Variants in RPAP3 observed in about 807,000 individuals in gnomAD.
RPAP3 encodes RNA polymerase II associated protein 3.
RPAP3 carries 58 observed loss-of-function variants against 88.8 expected under a neutral mutation model. That is an observed-to-expected ratio of 0.65 (90% confidence interval 0.53 to 0.81). RPAP3 has a LOEUF of 0.81. Among genes scored for constraint, RPAP3 ranks in the 40% least tolerant of loss-of-function variants. RPAP3 has a pLI of 0.00. For missense variants in RPAP3, 751 were observed against 764.3 expected, an observed-to-expected ratio of 0.98 and a Z score of 0.20; for synonymous variants, 255 against 259.9, an observed-to-expected ratio of 0.98 and a Z score of 0.18.
rs1413966672 is a variant in RPAP3, at chr12:47,672,336, T to G, written c.1288-1991A>C. 2.6e-5 allele frequency among the ~76,000 whole-genome samples: 4 copies of G among 152,350 alleles called. No individual in the cohort carries two copies. In the South Asian group the frequency reaches 8.3e-4, roughly 32 times the overall value. On this transcript the variant is annotated intron_variant, in intron 12 of 16. Transcript: ENST00000005386. ...TCATTCTCTTCTCTACTTTCCGTAG[T>G]CTTCCTTTCTTTCCTTACCACTTTC...
chr12:47,696,484 AAG>A lies in RPAP3; in HGVS notation c.418-83_418-82del. 4.3e-6 allele frequency: 4 copies of A among 926,064 alleles called. No individual in the cohort carries two copies. In the South Asian group the frequency reaches 8.4e-5, roughly 19 times the overall value. The allele number at this position is 926,064 out of a possible 1,614,324, so 57.4% of individuals were successfully genotyped here. On this transcript the variant is annotated intron_variant, in intron 4 of 16. Coordinates refer to ENST00000005386, the MANE Select transcript of RPAP3 (RefSeq NM_024604.3). ...TTGACCCTTGAACGACCCAGGTTTG[AAG>A]TGCATGGGTCCACTTAAATGTAGAT...
intron 16 of RPAP3, among the ~76,000 whole-genome samples, 189 bp downstream of exon 16, chr12:47,666,791 A>C (rs1938882869): frequency 6.6e-6 from 1 of 152,204 alleles, no homozygotes; most frequent in South Asian, 2.1e-4. Context: ...CTAACAAAAC[A>C]ATTTTAACTG....
At position 47,679,579 on chromosome 12, in the gene RPAP3, C is replaced by T; in HGVS notation, c.1201G>A (p.Gly401Arg). 1 of 1,600,760 alleles carries T rather than the reference C, an allele frequency of 6.2e-7. No homozygotes were observed. The highest frequency in any genetic ancestry group is 8.5e-7 in the Non-Finnish European group (1 of 1,171,998). ...SKIKKELIEK[G>R]HWDDVFLDST... ...TCAAGAAAGACATCATCCCAGTGTC[C>T]TTTCTCAATTAATTCCTTGAAAATA... is the stretch of plus-strand genomic sequence containing the variant. The change falls in exon 12 of 17, where the codon GGA becomes AGA. Residue 401 changes from glycine to arginine, a missense_variant. Coordinates refer to ENST00000005386, the MANE Select transcript of RPAP3 (RefSeq NM_024604.3).
chr12:47,670,487 A>C, intron 12 of RPAP3, 142 bp from the exon 13 acceptor site: 1 of 605,950 alleles, frequency 1.7e-6, no homozygotes, highest in Non-Finnish European at 2.9e-6. Context: ...CAGACTTAGA[A>C]GTCTGAGAAT....
chr12:47,679,861 G>T, intron 10 of RPAP3, 87 bp from the exon 11 acceptor site: 1 of 928,790 alleles, frequency 1.1e-6, no homozygotes, highest in Non-Finnish European at 1.7e-6. Context: ...TATTCAGTTA[G>T]TAATCACATT....
chr12:47,699,827 G>A (rs1268868351), intron 3 of RPAP3: 1 of 152,018 alleles, frequency 6.6e-6, no homozygotes, highest in Non-Finnish European at 1.5e-5. Flanking sequence ...CTCACAATAT[G>A]GATCTCATAT....
intron 5 of RPAP3, among the ~76,000 whole-genome samples, chr12:47,691,520 T>G (rs115413194): frequency 6.6e-6 from 1 of 152,220 alleles, no homozygotes; most frequent in South Asian, 2.1e-4. Flanking sequence ...TTCAATCTAC[T>G]TTGTCCAGAT....
chr12:47,704,736 T>G (rs2136650257), intron 1 of RPAP3, among the ~76,000 whole-genome samples: 1 of 151,948 alleles, frequency 6.6e-6, no homozygotes, highest in Admixed American at 6.5e-5. Context: ...CGCAGGTGGC[T>G]CATGCCTGTA....
intron 3 of RPAP3, 37 bp from the exon 4 acceptor site, chr12:47,697,756 T>C (rs1158299622): frequency 5.2e-6 from 8 of 1,550,136 alleles, no homozygotes; most frequent in African/African-American, 4.3e-5. Flanking sequence ...GTCATAATTA[T>C]ATGATTAGGA....
intron 15 of RPAP3, among the ~76,000 whole-genome samples, chr12:47,667,489 T>A (rs1938902167): frequency 6.6e-6 from 1 of 152,176 alleles, no homozygotes; most frequent in African/African-American, 2.4e-5. Flanking sequence ...TCAAAGAGAA[T>A]CAACTTCCCA....
At chr12:47,682,452 T>C (rs1212285133) in intron 9 of RPAP3, among the ~76,000 whole-genome samples, 1 of 152,210 alleles carries the variant, frequency 6.6e-6, no homozygotes, top group Non-Finnish European at 1.5e-5. Context: ...AGGACATTAA[T>C]GAATTATTGT....
At position 47,668,970 on chromosome 12, in the gene RPAP3, T is replaced by C. The variant is rs958331895; in HGVS notation, c.1659A>G (p.Glu553=). 1 of 1,614,080 alleles carries C rather than the reference T, an allele frequency of 6.2e-7. No individual in the cohort carries two copies. Among genetic ancestry groups the C allele is most frequent in the Non-Finnish European group, 8.5e-7 (1 of 1,179,950 alleles). ...AACTTTTCAATTGTCTGAAATCAGATTCGAGCTGGAACGAGTTTGCAGGAA... is the reference window on the plus strand; with the variant it reads ...AACTTTTCAATTGTCTGAAATCAGACTCGAGCTGGAACGAGTTTGCAGGAA... ...PPIPANSFQL[E]SDFRQLKSSP... The change falls in exon 14 of 17, where the codon GAA becomes GAG. Residue 553 remains glutamate (E), a synonymous_variant. Coordinates refer to ENST00000005386, the MANE Select transcript of RPAP3 (RefSeq NM_024604.3).
At chr12:47,677,455 T>C (rs1213859684) in intron 12 of RPAP3, among the ~76,000 whole-genome samples, 2 of 152,054 alleles carry the variant, frequency 1.3e-5, no homozygotes, top group East Asian at 3.9e-4. Flanking sequence ...GTCAAATTGT[T>C]GTGTTTGCAG....
chr12:47,699,144 C>T (rs1409069972), intron 3 of RPAP3, among the ~76,000 whole-genome samples: 1 of 152,126 alleles, frequency 6.6e-6, no homozygotes, highest in African/African-American at 2.4e-5. Context: ...AATTAAACAA[C>T]CATATCTTGT....
chr12:47,701,548 T>A lies in RPAP3; in HGVS notation c.210A>T (p.Lys70Asn), dbSNP rs908977487. 1.2e-6 allele frequency: 2 copies of A among 1,602,858 alleles called. No homozygotes were observed. Among genetic ancestry groups the A allele is most frequent in the Non-Finnish European group, 1.7e-6 (2 of 1,175,360 alleles). ...CCTCTCTGGTTTTTTTGGAAGACTC[T>A]TTAGCTTTGCCTTTCTTCTTTTTCC... ...NFRKKKKGKA[K>N]ESSKKTREEN... is the part of the protein sequence containing the mutation. The change falls in exon 3 of 17, where the codon AAA becomes AAT. Residue 70 changes from lysine to asparagine, a missense_variant. Lys to Asn is a moderately conservative substitution (Grantham distance 94). Transcript: ENST00000005386.
At position 47,697,823 on chromosome 12, in the gene RPAP3, C is replaced by G. The variant is rs1939566103; in HGVS notation, c.295-104G>C. ...ACACTCAAATGAATGTAAATTGTTA[C>G]AATCTAAGGACCTACAGCCTTACAA... On this transcript the variant is annotated intron_variant, in intron 3 of 16. Coordinates refer to ENST00000005386, the MANE Select transcript of RPAP3 (RefSeq NM_024604.3). 5.1e-5 allele frequency: 55 copies of G among 1,078,972 alleles called. 2 individuals are homozygous for G. In the South Asian group the frequency reaches 8.2e-4, roughly 16 times the overall value. 66.8% of individuals were successfully genotyped at this position (1,078,972 alleles called of 1,614,324 possible). A position where few individuals can be genotyped will look rare whatever the true frequency, so the allele number is the denominator to read the frequency against.
At chr12:47,687,116 A>T (rs1238440190) in intron 8 of RPAP3, among the ~76,000 whole-genome samples, 1 of 152,196 alleles carries the variant, frequency 6.6e-6, no homozygotes, top group Non-Finnish European at 1.5e-5. Context: ...CAGTACTAAA[A>T]AGGAAAAACA....
intron 3 of RPAP3, 47 bp from the exon 4 acceptor site, chr12:47,697,766 A>G (rs1592486744): frequency 7.0e-7 from 1 of 1,422,004 alleles, no homozygotes; most frequent in South Asian, 1.5e-5. Context: ...TATGATTAGG[A>G]AAAAAAAGAA....
intron 14 of RPAP3, 38 bp downstream of exon 14, chr12:47,668,878 T>C (rs997757221): frequency 6.6e-7 from 1 of 1,516,916 alleles, no homozygotes; most frequent in East Asian, 2.3e-5. Context: ...TCTCTGACCT[T>C]TTACTTACAA....
Sources: allele counts gnomAD v4.1 joint callset (sites outside exome capture counted in the v4.1 genomes callset), GRCh38; gene constraint gnomAD v4.1.1; transcripts MANE v1.5; gene names NCBI Gene and HGNC (gene_info 2026-07-23, HGNC 2026-07-21).